JAK1: variants seen among roughly 807,000 people sequenced by gnomAD.
JAK1 encodes Janus kinase 1.
Under a neutral mutation model 136.6 loss-of-function variants are expected in JAK1, and 16 were observed. That is an observed-to-expected ratio of 0.12 (90% CI 0.08 to 0.18). The LOEUF (loss-of-function observed/expected upper bound fraction) is 0.18, where lower values mean the gene tolerates loss of function less well. Ranked by LOEUF, JAK1 falls within the 10% of genes least tolerant of loss-of-function variation. The pLI is 1.00. For missense variants in JAK1, 859 were observed against 1,450.1 expected (o/e 0.59, Z 6.62); for synonymous variants, 492 against 519.5 (o/e 0.95, Z 0.72).
chr1:64,904,799 T>G (rs1645165925), intron 1 of JAK1, among the ~76,000 whole-genome samples: 1 of 152,036 alleles, frequency 6.6e-6, no homozygotes, highest in African/African-American at 2.4e-5. Context: ...GGATAAAATC[T>G]AAGATTTCAA....
chr1:64,902,577 AGAGAGAGTGTGTGTGTGT>A (rs1645125054), intron 1 of JAK1, among the ~76,000 whole-genome samples: 1 of 40,510 alleles, frequency 2.5e-5, no homozygotes, highest in Admixed American at 3.4e-4. Context: ...AGAGAGAGAG[AGAGAGAGTGTGTGTGTGT>A]GTGTGTGTGT....
chr1:64,954,452 C>T (rs1468599096), intron 1 of JAK1, among the ~76,000 whole-genome samples: 1 of 152,202 alleles, frequency 6.6e-6, no homozygotes, highest in Non-Finnish European at 1.5e-5. Flanking sequence ...ACATGACCTA[C>T]CCCAAGCACA....
rs752677185 is a variant in JAK1, at chr1:65,058,472, T to A, written c.-181+9132A>T. 9.4e-6 allele frequency: 5 copies of A among 534,210 alleles called. No individual in the cohort carries two copies. In the Admixed American group the frequency reaches 9.7e-5, roughly 10 times the overall value. 33.1% of individuals were successfully genotyped at this position (534,210 alleles called of 1,614,324 possible). A position where few individuals can be genotyped will look rare whatever the true frequency, so the allele number is the denominator to read the frequency against. Reference sequence around the variant, plus strand: ...TTATCACAGTACTGTACCTTTAGAATAGACAGCATCAGCACTGTGATAACT... The same window carrying A: ...TTATCACAGTACTGTACCTTTAGAAAAGACAGCATCAGCACTGTGATAACT... On this transcript the variant is annotated intron_variant, in intron 1 of 25. Coordinates refer to the JAK1 transcript ENST00000671954.
chr1:64,920,211 G>C (rs988465006), intron 1 of JAK1, among the ~76,000 whole-genome samples: 1 of 152,190 alleles, frequency 6.6e-6, no homozygotes, highest in African/African-American at 2.4e-5. Flanking sequence ...GACGGAAACA[G>C]GGAAAAGTGG....
At chr1:64,862,015 A>T (rs1656377874) in intron 8 of JAK1, among the ~76,000 whole-genome samples, 2 of 152,226 alleles carry the variant, frequency 1.3e-5, no homozygotes, top group African/African-American at 2.4e-5. Flanking sequence ...GATGCCAAGG[A>T]GATGTAGAGA....
intron 6 of JAK1, among the ~76,000 whole-genome samples, chr1:64,867,838 A>G (rs1359074606): frequency 6.6e-6 from 1 of 152,170 alleles, no homozygotes; most frequent in Non-Finnish European, 1.5e-5. Context: ...TAAAAATATA[A>G]AAGTAGCCAG....
intron 1 of JAK1, among the ~76,000 whole-genome samples, chr1:64,906,624 A>C (rs1038310376): frequency 6.6e-6 from 1 of 152,224 alleles, no homozygotes; most frequent in African/African-American, 2.4e-5. Context: ...CGCCATTCTC[A>C]GTCACTATCA....
intron 1 of JAK1, among the ~76,000 whole-genome samples, chr1:64,957,884 C>T (rs1646218408): frequency 6.6e-6 from 1 of 152,030 alleles, no homozygotes; most frequent in South Asian, 2.1e-4. Flanking sequence ...GCAGAGGTTG[C>T]AGTGAGCCGA....
Position 64,844,823 on chromosome 1 carries a change from C to A in JAK1, c.2182G>T (p.Asp728Tyr), listed in dbSNP as rs1570621092. 1 of 1,614,168 alleles carries A rather than the reference C, an allele frequency of 6.2e-7. No homozygotes were observed. The highest frequency in any genetic ancestry group is 1.3e-5 in the African/African-American group (1 of 75,036). ...TTGATGAATGGGCCACACTCACTGT[C>A]GATGCCCTCACGGGCCAGGAGGAGG... ...KNLLLAREGI[D>Y]SECGPFIKLS... Residue 728 changes from aspartate (D) to tyrosine (Y), a missense_variant, in exon 16 of 25, where the codon GAC (aspartate) becomes TAC (tyrosine). By Grantham distance (160) the Asp-to-Tyr change is radical (BLOSUM62 -3). This residue lies in a region of JAK1 where 409 missense variants were observed against 753.8 expected (regional missense o/e 0.54). Coordinates refer to ENST00000342505, the MANE Select transcript of JAK1 (RefSeq NM_002227.4). The surrounding 1 kb of genome is among the most constrained non-coding windows in gnomAD (Gnocchi z 5.7).
chr1:64,929,198 T>C (rs1167234174), intron 1 of JAK1, among the ~76,000 whole-genome samples: 3 of 152,212 alleles, frequency 2.0e-5, no homozygotes, highest in South Asian at 2.1e-4. Flanking sequence ...TAGTCAGTTA[T>C]GCAAAAGCAA....
At chr1:64,845,148 C>T (rs1284811017) in intron 15 of JAK1, among the ~76,000 whole-genome samples, 1 of 152,156 alleles carries the variant, frequency 6.6e-6, no homozygotes, top group Non-Finnish European at 1.5e-5. Context: ...ATCTGTGAAA[C>T]GCCTGAACAG....
chr1:65,026,518 C>A (rs1438256901), intron 2 of JAK1, among the ~76,000 whole-genome samples: 2 of 152,316 alleles, frequency 1.3e-5, no homozygotes, highest in East Asian at 3.9e-4. Flanking sequence ...GTTAGCTAAT[C>A]CCTTCCTCCT....
chr1:65,031,949 AT>A (rs1291846071), intron 2 of JAK1, among the ~76,000 whole-genome samples: 2 of 147,728 alleles, frequency 1.4e-5, no homozygotes, highest in African/African-American at 5.0e-5. Flanking sequence ...AAAAACACAG[AT>A]TTTTCTTTTT....
chr1:64,866,491 G>A (rs932933530), intron 7 of JAK1, among the ~76,000 whole-genome samples: 1 of 152,114 alleles, frequency 6.6e-6, no homozygotes, highest in South Asian at 2.1e-4. Flanking sequence ...GTGCCTCTTT[G>A]TATTCATCCG....
At chr1:64,985,919 G>T in intron 2 of JAK1, 1 of 806,328 alleles carries the variant, frequency 1.2e-6, no homozygotes, top group Non-Finnish European at 2.1e-6. Context: ...AAAGGGACAA[G>T]CACAACATCT....
At chr1:64,986,935 G>A (rs1646605664) in intron 2 of JAK1, among the ~76,000 whole-genome samples, 1 of 152,046 alleles carries the variant, frequency 6.6e-6, no homozygotes, top group Non-Finnish European at 1.5e-5. Context: ...CATATTGTAA[G>A]CTCTTTATAA....
chr1:64,947,946 A>T (rs1043129061), intron 1 of JAK1, among the ~76,000 whole-genome samples: 5 of 152,210 alleles, frequency 3.3e-5, no homozygotes, highest in African/African-American at 1.2e-4. Flanking sequence ...ACAGAAATAG[A>T]TTTAGAAATA....
chr1:64,999,564 T>A (rs1646733772), intron 2 of JAK1, among the ~76,000 whole-genome samples: 3 of 151,786 alleles, frequency 2.0e-5, no homozygotes, highest in Non-Finnish European at 4.4e-5. Flanking sequence ...ATAGGGAGAC[T>A]CCATCTCTAC....
At chr1:64,970,829 AAAG>A (rs2100670180), upstream of JAK1, among the ~76,000 whole-genome samples, 1 of 152,294 alleles carries the variant, frequency 6.6e-6, no homozygotes, top group South Asian at 2.1e-4. Flanking sequence ...GTGTAAAACA[AAAG>A]AATACAAATA....
Sources: allele counts gnomAD v4.1 joint callset (sites outside exome capture counted in the v4.1 genomes callset), GRCh38; gene constraint gnomAD v4.1.1; regional missense constraint gnomAD v4.1.1; non-coding constraint Gnocchi (gnomAD v3.1); transcripts MANE v1.5; gene names NCBI Gene and HGNC (gene_info 2026-07-23, HGNC 2026-07-21).